The following CLASP2 variants were observed in gnomAD, a reference collection of about 807,000 sequenced individuals.
CLASP2 encodes the protein cytoplasmic linker associated protein 2.
CLASP2 carries 47 observed loss-of-function variants against 194.4 expected under a neutral mutation model. That is an observed-to-expected ratio of 0.24 (90% CI 0.19 to 0.31). CLASP2 has a LOEUF of 0.31. Among genes scored for constraint, CLASP2 ranks in the 10% least tolerant of loss-of-function variants. CLASP2 has a pLI of 1.00. For missense variants in CLASP2, 1,445 were observed against 1,823.6 expected, an observed-to-expected ratio of 0.79 and a Z score of 3.78; for synonymous variants, 619 against 633.5, an observed-to-expected ratio of 0.98 and a Z score of 0.34.
intron 18 of CLASP2, among the ~76,000 whole-genome samples, chr3:33,597,817 A>G (rs1007673061): frequency 6.6e-6 from 1 of 151,082 alleles, no homozygotes; most frequent in Non-Finnish European, 1.5e-5. Flanking sequence ...CAATGGCACA[A>G]TCTCATCTCA....
At chr3:33,667,106 G>A (rs780832825) in intron 6 of CLASP2, among the ~76,000 whole-genome samples, 4 of 151,978 alleles carry the variant, frequency 2.6e-5, no homozygotes, top group South Asian at 2.1e-4. Context: ...GTCAAGATAC[G>A]TGTCTTAGAA....
intron 6 of CLASP2, among the ~76,000 whole-genome samples, chr3:33,670,121 C>T (rs144217433): frequency 2.2e-4 from 33 of 151,242 alleles, no homozygotes; most frequent in African/African-American, 7.6e-4. Context: ...CATATATATA[C>T]ACACACACAC....
intron 16 of CLASP2, among the ~76,000 whole-genome samples, chr3:33,605,993 A>G (rs1232463237): frequency 7.2e-5 from 11 of 152,188 alleles, no homozygotes; most frequent in African/African-American, 4.8e-5. Context: ...GAAGAGGGAC[A>G]GGGCCAGTGC....
At chr3:33,666,133 T>A (rs150362204) in intron 6 of CLASP2, among the ~76,000 whole-genome samples, 3 of 152,152 alleles carry the variant, frequency 2.0e-5, no homozygotes, top group Admixed American at 2.0e-4. Flanking sequence ...GAATAGTAAA[T>A]CCCAAGTATA....
chr3:33,661,397 G>A (rs898655779), intron 7 of CLASP2, among the ~76,000 whole-genome samples: 1 of 152,230 alleles, frequency 6.6e-6, no homozygotes, highest in Non-Finnish European at 1.5e-5. Flanking sequence ...ACATGGAACA[G>A]AAGTCTACAG....
In CLASP2 at chr3:33,608,506, A is replaced by G. The variant is rs577557024; in HGVS notation, c.1448+61T>C. 1.1e-4 allele frequency: 137 copies of G among 1,281,136 alleles called. 1 individual carries two copies. The highest frequency in any genetic ancestry group is 9.5e-4 in the South Asian group (74 of 77,888). The allele number at this position is 1,281,136 out of a possible 1,614,324, so 79.4% of individuals were successfully genotyped here. On this transcript the variant is annotated intron_variant, in intron 14 of 38. Transcript: ENST00000682230. The stretch of plus-strand genomic sequence containing the variant: ...AAATAATGTAAAACCAATACCATCA[A>G]CTTCTAAAGAACTGGTGACAATGGG...
intron 9 of CLASP2, among the ~76,000 whole-genome samples, chr3:33,630,961 T>A (rs982502609): frequency 2.6e-5 from 4 of 152,202 alleles, no homozygotes; most frequent in African/African-American, 9.6e-5. Flanking sequence ...TTAAAAAGTA[T>A]CTTAAAATAA....
At chr3:33,582,480 C>A (rs1052247453) in intron 22 of CLASP2, among the ~76,000 whole-genome samples, 1 of 152,006 alleles carries the variant, frequency 6.6e-6, no homozygotes, top group Non-Finnish European at 1.5e-5. Flanking sequence ...CATAGTGAGA[C>A]CTTGTCTCAC....
rs532287699 is a variant in CLASP2 at position 33,516,295 on chromosome 3, G to A, written c.3982-144C>T. 26 of 552,024 alleles carry A rather than the reference G, an allele frequency of 4.7e-5. No homozygotes were observed. In the South Asian group the frequency reaches 1.4e-3, roughly 30 times the overall value. The allele number at this position is 552,024 out of a possible 1,614,324, so 34.2% of individuals were successfully genotyped here. A position where few individuals can be genotyped will look rare whatever the true frequency, so the allele number is the denominator to read the frequency against. On this transcript the variant is annotated intron_variant, in intron 35 of 38. Coordinates refer to ENST00000682230, the MANE Select transcript of CLASP2 (RefSeq NM_001365631.1). ...AGTATGCGGTATACTATGTAATTAA[G>A]TTTTCTTATCTCTAATTGAAAATTT... is the stretch of plus-strand genomic sequence containing the variant.
At chr3:33,608,700 C>A in intron 13 of CLASP2, 74 bp from the exon 14 acceptor site, 1 of 749,332 alleles carries the variant, frequency 1.3e-6, no homozygotes. Flanking sequence ...TATACTACTA[C>A]ACTTTGCCCC....
intron 7 of CLASP2, among the ~76,000 whole-genome samples, chr3:33,656,212 A>C (rs952571793): frequency 6.6e-6 from 1 of 152,204 alleles, no homozygotes; most frequent in Non-Finnish European, 1.5e-5. Flanking sequence ...TAAAACTGCT[A>C]ATGAAATCTT....
At chr3:33,709,798 G>GATA (rs2092912541) in intron 1 of CLASP2, among the ~76,000 whole-genome samples, 1 of 152,178 alleles carries the variant, frequency 6.6e-6, no homozygotes, top group Non-Finnish European at 1.5e-5. Flanking sequence ...GCAATAGGAA[G>GATA]ATAATATATT....
At chr3:33,595,057 T>C (rs1044198419) in intron 19 of CLASP2, 89 bp from the exon 20 acceptor site, 2 of 687,636 alleles carry the variant, frequency 2.9e-6, no homozygotes, top group Non-Finnish European at 4.3e-6. Flanking sequence ...AACACTACAA[T>C]GAAAGGGTAA....
At chr3:33,619,761 T>C (rs1338668780) in intron 11 of CLASP2, 23 bp from the exon 12 acceptor site, 4 of 1,547,448 alleles carry the variant, frequency 2.6e-6, no homozygotes, top group Admixed American at 4.0e-5. Context: ...ACAAAAAGTA[T>C]TTTTTAATAG....
chr3:33,603,011 G>C lies in CLASP2; in HGVS notation c.1865C>G (p.Ser622Cys), dbSNP rs2072722033. Residue 622 changes from serine to cysteine, a missense_variant, in exon 18 of 39, where the codon TCT becomes TGT. Physicochemically the swap from Ser to Cys is moderately radical, Grantham distance 112. Transcript: ENST00000682230. ...GAKAHHAAGQ[S>C]VRSGRLGAGA... ...TGCACCTAAGCGCCCGCTTCGCACA[G>C]ACTGTCCAGCAGCATGATGTGCCTT... 6.2e-7 allele frequency: 1 copy of C among 1,610,094 alleles called. No individual in the cohort carries two copies. Among genetic ancestry groups the C allele is most frequent in the Non-Finnish European group, 8.5e-7 (1 of 1,178,032 alleles).
chr3:33,525,455 C>T lies in CLASP2; in HGVS notation c.3788-8281G>A, dbSNP rs187280952. ...GGACTAATCAAGGAAACAACTTGAC[C>T]CACAGAGAACAAAGAAAAGTAAGAC... On this transcript the variant is annotated intron_variant, in intron 34 of 38. Coordinates refer to ENST00000682230, the MANE Select transcript of CLASP2 (RefSeq NM_001365631.1). 4.5e-3 allele frequency among the ~76,000 whole-genome samples: 690 copies of T among 152,050 alleles called. 1 individual carries two copies. The highest frequency in any genetic ancestry group is 8.3e-3 in the Non-Finnish European group (564 of 67,962).
At chr3:33,557,329 T>C (rs1001948257) in intron 29 of CLASP2, among the ~76,000 whole-genome samples, 1 of 151,892 alleles carries the variant, frequency 6.6e-6, no homozygotes, top group African/African-American at 2.4e-5. Context: ...TCATGAAACA[T>C]CTCTATATAT....
At chr3:33,702,154 A>T (rs574007064) in intron 1 of CLASP2, among the ~76,000 whole-genome samples, 6 of 152,330 alleles carry the variant, frequency 3.9e-5, no homozygotes, top group African/African-American at 1.4e-4. Context: ...TTCATATGAA[A>T]ATTCAAGGGG....
chr3:33,581,459 A>G (rs939021084), intron 23 of CLASP2, among the ~76,000 whole-genome samples: 2 of 152,244 alleles, frequency 1.3e-5, no homozygotes, highest in Non-Finnish European at 1.5e-5. Flanking sequence ...GAAAAAGACA[A>G]AAGTATTTTA....
Sources: gnomAD v4.1 joint callset for allele counts (sites outside exome capture counted in the v4.1 genomes callset) on GRCh38, gnomAD v4.1.1 for gene constraint, MANE v1.5 for transcripts, NCBI Gene and HGNC (gene_info 2026-07-23, HGNC 2026-07-21) for gene names.